The following ABCA13 variants were observed in gnomAD, a reference collection of about 807,000 sequenced individuals.
ABCA13 encodes ATP-binding cassette sub-family A member 13.
In ABCA13, 476 loss-of-function variants were observed where a neutral mutation model predicts 478.7. The ratio of observed to expected loss-of-function variants is 0.99; its 90% CI spans 0.92 to 1.07. The LOEUF (loss-of-function observed/expected upper bound fraction) is 1.07. ABCA13 is among the 50% of genes least tolerant of loss of function. ABCA13 has a pLI of 0.00. For missense variants in ABCA13, 6,060 were observed against 5,910.6 expected (o/e 1.03, Z -0.83); for synonymous variants, 2,252 against 2,158.9 (o/e 1.04, Z -1.20).
Position 48,647,122 on chromosome 7 carries a change from G to T in ABCA13, c.*1610G>T, listed in dbSNP as rs972999661. ...AAATTTGGCCTTTTTCAACACTAACGTTGAGTACCGGTAGCTTGTGATCAA... is the reference window on the plus strand; with the variant it reads ...AAATTTGGCCTTTTTCAACACTAACTTTGAGTACCGGTAGCTTGTGATCAA... On this transcript the variant is annotated 3_prime_UTR_variant, in exon 62 of 62. Transcript: ENST00000435803. 6.6e-6 allele frequency: 1 copy of T among 152,190 alleles called. No individual in the cohort carries two copies. Among genetic ancestry groups the T allele is most frequent in the Non-Finnish European group, 1.5e-5 (1 of 68,018 alleles). 9.4% of individuals were successfully genotyped at this position (152,190 alleles called of 1,614,324 possible).
chr7:48,182,918 C>T (rs887594244), intron 1 of ABCA13, among the ~76,000 whole-genome samples: 27 of 152,126 alleles, frequency 1.8e-4, no homozygotes, highest in African/African-American at 6.3e-4. Flanking sequence ...GCTGTGTTTT[C>T]CTGCAGTGCT....
At chr7:48,554,059 C>T (rs1424916900) in intron 55 of ABCA13, among the ~76,000 whole-genome samples, 1 of 151,916 alleles carries the variant, frequency 6.6e-6, no homozygotes, top group African/African-American at 2.4e-5. Context: ...ATCCAGTTTT[C>T]CCAGAACCAT....
intron 1 of ABCA13, among the ~76,000 whole-genome samples, chr7:48,191,504 A>G (rs1797103103): frequency 6.6e-6 from 1 of 152,176 alleles, no homozygotes; most frequent in Non-Finnish European, 1.5e-5. Context: ...CCCGGGTTCA[A>G]GTGATTCTCC....
chr7:48,637,137 C>T (rs1300889671), intron 59 of ABCA13, among the ~76,000 whole-genome samples: 1 of 151,874 alleles, frequency 6.6e-6, no homozygotes, highest in African/African-American at 2.4e-5. Context: ...AGAGGGTTTG[C>T]TTGTGTGCCT....
At chr7:48,592,475 G>T (rs1789859243) in intron 57 of ABCA13, among the ~76,000 whole-genome samples, 2 of 151,824 alleles carry the variant, frequency 1.3e-5, no homozygotes, top group Non-Finnish European at 2.9e-5. Flanking sequence ...AAATTGTTTA[G>T]ACTTGTTTTG....
chr7:48,465,098 C>T (rs937001714), intron 43 of ABCA13, among the ~76,000 whole-genome samples: 4 of 152,122 alleles, frequency 2.6e-5, no homozygotes, highest in African/African-American at 7.2e-5. Flanking sequence ...GGCTGGGTGC[C>T]GTGCTCAGGA....
Position 48,275,354 on chromosome 7 carries a change from G to A in ABCA13, c.5688G>A (p.Trp1896Ter), listed in dbSNP as rs1306296779. 1 of 1,613,906 alleles carries A rather than the reference G, an allele frequency of 6.2e-7. No individual in the cohort carries two copies. Among genetic ancestry groups the A allele is most frequent in the Non-Finnish European group, 8.5e-7 (1 of 1,179,864 alleles). ...VVCIIHELVD[W>*]NSILLELSEV... ...GCATAATTCATGAATTAGTGGACTG[G>A]AATTCTATTCTTCTGGAGCTCTCTG... is the stretch of plus-strand genomic sequence containing the variant. Residue 1896 changes from tryptophan to a stop codon, truncating the protein, a stop_gained, in exon 17 of 62, where the codon TGG becomes TGA. Transcript: ENST00000435803. LOFTEE classifies it high-confidence loss of function.
intron 28 of ABCA13, 139 bp downstream of exon 28, chr7:48,335,674 A>C (rs1206749309): frequency 1.9e-5 from 10 of 519,712 alleles, no homozygotes; most frequent in African/African-American, 1.6e-4. Flanking sequence ...ATTGACATAA[A>C]ACTAGAGATG....
chr7:48,389,448 G>C (rs923236029), intron 37 of ABCA13, among the ~76,000 whole-genome samples: 3 of 152,096 alleles, frequency 2.0e-5, no homozygotes, highest in Non-Finnish European at 4.4e-5. Flanking sequence ...TCAGTCAAAG[G>C]GGTAGTGGTG....
At chr7:48,234,652 A>T (rs1370381666) in intron 8 of ABCA13, among the ~76,000 whole-genome samples, 2 of 152,180 alleles carry the variant, frequency 1.3e-5, no homozygotes, top group African/African-American at 4.8e-5. Context: ...GGACTGGATG[A>T]TCGATCCCCA....
At chr7:48,536,256 T>A (rs1167389608) in intron 55 of ABCA13, among the ~76,000 whole-genome samples, 1 of 147,570 alleles carries the variant, frequency 6.8e-6, no homozygotes, top group Non-Finnish European at 1.5e-5. Flanking sequence ...TTTCTATTTA[T>A]GAAATGATGG....
At chr7:48,592,129 C>A (rs1230276467) in intron 57 of ABCA13, among the ~76,000 whole-genome samples, 2 of 151,686 alleles carry the variant, frequency 1.3e-5, no homozygotes, top group African/African-American at 2.4e-5. Context: ...TTTCTGCTAA[C>A]TTTGGGATTA....
At chr7:48,419,788 T>C (rs1820499081) in intron 41 of ABCA13, among the ~76,000 whole-genome samples, 1 of 152,218 alleles carries the variant, frequency 6.6e-6, no homozygotes. Context: ...TATCTCTCTT[T>C]TTCCACATCT....
intron 32 of ABCA13, among the ~76,000 whole-genome samples, chr7:48,370,764 T>C (rs1483655002): frequency 1.3e-5 from 2 of 152,100 alleles, no homozygotes; most frequent in Non-Finnish European, 2.9e-5. Context: ...ACGTTAAATA[T>C]CTACATCAAA....
At chr7:48,248,817 G>T (rs1355908884) in intron 14 of ABCA13, among the ~76,000 whole-genome samples, 1 of 152,140 alleles carries the variant, frequency 6.6e-6, no homozygotes, top group African/African-American at 2.4e-5. Flanking sequence ...TTTATTTTAT[G>T]ACTCTGTGAA....
Position 48,271,837 on chromosome 7 carries a change from C to G in ABCA13, c.2171C>G (p.Thr724Ser). Residue 724 changes from threonine (T) to serine (S), a missense_variant, in exon 17 of 62, where the codon ACC becomes AGC. Coordinates refer to ENST00000435803, the MANE Select transcript of ABCA13 (RefSeq NM_152701.5). ...CTAATGATGGAAAAGAAGTTGCACA[C>G]CCTTGAGGATGAACAAATGAACTTT... is the stretch of plus-strand genomic sequence containing the variant. ...HLLMMEKKLH[T>S]LEDEQMNFLL... 1 of 1,575,624 alleles carries G rather than the reference C, an allele frequency of 6.3e-7. No homozygotes were observed. The highest frequency in any genetic ancestry group is 8.6e-7 in the Non-Finnish European group (1 of 1,159,162).
intron 40 of ABCA13, among the ~76,000 whole-genome samples, chr7:48,411,408 A>G (rs1819215483): frequency 6.6e-6 from 1 of 151,584 alleles, no homozygotes. Flanking sequence ...TCCAGGTTCA[A>G]GCAATTCTCC....
intron 20 of ABCA13, among the ~76,000 whole-genome samples, chr7:48,289,963 G>T (rs1466454844): frequency 1.3e-5 from 2 of 152,160 alleles, no homozygotes; most frequent in Non-Finnish European, 2.9e-5. Context: ...TGTGGGATAT[G>T]AAGTCGCCAA....
At chr7:48,208,749 C>T (rs1785247935) in intron 3 of ABCA13, among the ~76,000 whole-genome samples, 1 of 152,088 alleles carries the variant, frequency 6.6e-6, no homozygotes, top group South Asian at 2.1e-4. Flanking sequence ...ATGTTATATG[C>T]AAACAAGGAT....
Sources: allele counts gnomAD v4.1 joint callset (sites outside exome capture counted in the v4.1 genomes callset), GRCh38; gene constraint gnomAD v4.1.1; transcripts MANE v1.5; gene names NCBI Gene and HGNC (gene_info 2026-07-23, HGNC 2026-07-21).